Variants in EIF6 observed in about 807,000 individuals in gnomAD.
EIF6 encodes eukaryotic translation initiation factor 6, also known as B4 integrin interactor.
Under a neutral mutation model 25.5 loss-of-function variants are expected in EIF6, and 10 were observed. That is an observed-to-expected ratio of 0.39 (90% CI 0.24 to 0.66). The LOEUF is 0.66. Among genes scored for constraint, EIF6 ranks in the 30% least tolerant of loss-of-function variants. The pLI is 0.45. For missense variants in EIF6, 246 were observed against 315.4 expected, an observed-to-expected ratio of 0.78 and a Z score of 1.67; for synonymous variants, 122 against 122.6, an observed-to-expected ratio of 1.00 and a Z score of 0.03.
chr20:35,279,508 T>G, intron 6 of EIF6, 58 bp downstream of exon 6: 2 of 1,591,486 alleles, frequency 1.3e-6, no homozygotes, highest in Non-Finnish European at 1.7e-6. Context: ...TTCCCCATAC[T>G]CTCAAAATGC....
At chr20:35,282,678 C>T (rs2060786477) in intron 3 of EIF6, among the ~76,000 whole-genome samples, 1 of 151,746 alleles carries the variant, frequency 6.6e-6, no homozygotes, top group Non-Finnish European at 1.5e-5. Flanking sequence ...AATCTCAGCT[C>T]ACCGCAGGGT....
At position 35,284,160 on chromosome 20, in the gene EIF6, C is replaced by T; in HGVS notation, c.193+16G>A. On this transcript the variant is annotated intron_variant, in intron 3 of 6. Coordinates refer to ENST00000374450, the MANE Select transcript of EIF6 (RefSeq NM_002212.4). Reference sequence around the variant, plus strand: ...TGGAGACCACTCCCTCCCTCGGCGTCCTCCACCTGCCTTACCCACACACAT... The same window carrying T: ...TGGAGACCACTCCCTCCCTCGGCGTTCTCCACCTGCCTTACCCACACACAT... 1 of 1,571,348 alleles carries T rather than the reference C, an allele frequency of 6.4e-7. No homozygotes were observed. Among genetic ancestry groups the T allele is most frequent in the East Asian group, 2.3e-5 (1 of 44,286 alleles).
At chr20:35,284,071 A>G (rs2060800785) in intron 3 of EIF6, 105 bp downstream of exon 3, 2 of 1,375,124 alleles carry the variant, frequency 1.5e-6, no homozygotes, top group Non-Finnish European at 2.0e-6. Context: ...CAGAGATAAC[A>G]GATGATACCC....
intron 6 of EIF6, 67 bp from the exon 7 acceptor site, chr20:35,279,273 T>C: frequency 6.3e-7 from 1 of 1,583,134 alleles, no homozygotes; most frequent in South Asian, 1.1e-5. Flanking sequence ...TCAAGTGAGG[T>C]GCCTGCCTCA....
At chr20:35,280,890 G>T in intron 3 of EIF6, 61 bp from the exon 4 acceptor site, 1 of 1,577,212 alleles carries the variant, frequency 6.3e-7, no homozygotes. Context: ...TAGGGGCTGA[G>T]GATACCACTC....
Position 35,284,272 on chromosome 20 carries a change from A to G in EIF6, c.108-11T>C. ...TCGCCCTCGAACACACTGTAGGGAC[A>G]TGGACTCGGTGGTGGCGGGGCAGAG... On this transcript the variant is annotated splice_polypyrimidine_tract_variant and intron_variant, in intron 2 of 6. Transcript: ENST00000374450. The G allele has an allele frequency of 4.3e-6, 7 of 1,613,626 alleles. No individual in the cohort carries two copies. Among genetic ancestry groups the G allele is most frequent in the Non-Finnish European group, 5.9e-6 (7 of 1,179,998 alleles).
In EIF6 at chr20:35,279,582, C is replaced by T. The variant is rs759636063; in HGVS notation, c.712G>A (p.Asp238Asn). Residue 238 changes from aspartate (D) to asparagine (N), a missense_variant, in exon 6 of 7, where the codon GAT (aspartate) becomes AAT (asparagine). By Grantham distance (23) the Asp-to-Asn change is conservative (BLOSUM62 1). Transcript: ENST00000374450. ...CCCAGGTACCTGTCAATGAGGGAAT[C>T]CCGCATGCTGGTGGCAATGGTGCTA... ...QPSTIATSMR[D>N]SLIDSLT 2 of 1,613,962 alleles carry T rather than the reference C, an allele frequency of 1.2e-6. No individual in the cohort carries two copies. Among genetic ancestry groups the T allele is most frequent in the African/African-American group, 2.7e-5 (2 of 74,910 alleles).
At chr20:35,284,094 G>A (rs1436007290) in intron 3 of EIF6, 82 bp downstream of exon 3, 4 of 1,483,004 alleles carry the variant, frequency 2.7e-6, no homozygotes, top group African/African-American at 1.4e-5. Context: ...GGAATCCCTA[G>A]GTCACTCCGG....
Position 35,280,757 on chromosome 20 carries a change from G to T in EIF6, c.266C>A (p.Pro89Gln), listed in dbSNP as rs768231439. 5 of 1,614,104 alleles carry T rather than the reference G, an allele frequency of 3.1e-6. No homozygotes were observed. The highest frequency in any genetic ancestry group is 1.7e-5 in the Admixed American group (1 of 60,010). The change falls in exon 4 of 7, where the codon CCA becomes CAA. Residue 89 changes from proline to glutamine, a missense_variant. Transcript: ENST00000374450. Reference sequence around the variant, plus strand: ...CACCCGCCTAATCTGCACTGTGTCTGGGAGGCTGTTGCGAATGTGTTGCAG... The same window carrying T: ...CACCCGCCTAATCTGCACTGTGTCTTGGAGGCTGTTGCGAATGTGTTGCAG... ...QELQHIRNSLPDTVQIRRVEE... is the reference protein window; with the variant it reads ...QELQHIRNSLQDTVQIRRVEE...
Position 35,284,415 on chromosome 20 carries a change from G to C in EIF6, c.73C>G (p.Leu25Val), listed in dbSNP as rs2060806436. The stretch of plus-strand genomic sequence containing the variant: ...TTCTCTGAGCCTCCGATCGCTACCA[G>C]ACAGTAGGTGTTGGTGAGCTTGGCA... The part of the protein sequence containing the change: ...CFAKLTNTYC[L>V]VAIGGSENFY... Residue 25 changes from leucine to valine, a missense_variant, in exon 2 of 7, where the codon CTG becomes GTG. Transcript: ENST00000374450. The C allele has an allele frequency of 1.2e-6, 2 of 1,613,890 alleles. No homozygotes were observed. The highest frequency in any genetic ancestry group is 1.7e-6 in the Non-Finnish European group (2 of 1,179,988).
rs761972454 is a variant in EIF6 at position 35,284,270 on chromosome 20, A to G, written c.108-9T>C. ...GCTCGCCCTCGAACACACTGTAGGG[A>G]CATGGACTCGGTGGTGGCGGGGCAG... is the stretch of plus-strand genomic sequence containing the variant. On this transcript the variant is annotated splice_polypyrimidine_tract_variant and intron_variant, in intron 2 of 6. Transcript: ENST00000374450. 2.0e-5 allele frequency: 33 copies of G among 1,613,630 alleles called. No individual in the cohort carries two copies. The East Asian group carries it at 6.7e-4, about 33-fold the overall frequency.
intron 1 of EIF6, 114 bp from the exon 2 acceptor site, chr20:35,284,606 G>C (rs2060809808): frequency 8.1e-7 from 1 of 1,238,648 alleles, no homozygotes; most frequent in South Asian, 1.4e-5. Context: ...CGGCCCCTCC[G>C]TCCTCGGGTC....
intron 6 of EIF6, 90 bp from the exon 7 acceptor site, chr20:35,279,296 G>A: frequency 6.5e-7 from 1 of 1,546,144 alleles, no homozygotes; most frequent in South Asian, 1.1e-5. Context: ...CCTCATCCCG[G>A]GACCAGCTCT....
intron 3 of EIF6, among the ~76,000 whole-genome samples, chr20:35,283,191 G>A (rs1341296205): frequency 2.0e-5 from 3 of 152,188 alleles, no homozygotes; most frequent in Non-Finnish European, 2.9e-5. Flanking sequence ...CTACTTGGGA[G>A]GCTGAGGCAG....
intron 3 of EIF6, among the ~76,000 whole-genome samples, chr20:35,281,932 C>T (rs2425044): frequency 0.22 from 33,444 of 151,540 alleles, 3,849 homozygotes; most frequent in South Asian, 0.34. Flanking sequence ...TCTTAGGTAT[C>T]ATATACCCAG....
At position 35,279,260 on chromosome 20, in the gene EIF6, C is replaced by T. The variant is rs901970324; in HGVS notation, c.729-54G>A. On this transcript the variant is annotated intron_variant, in intron 6 of 6. Coordinates refer to ENST00000374450, the MANE Select transcript of EIF6 (RefSeq NM_002212.4). ...TAGCTGTTTCACAGAGCCCACCTCA[C>T]TCTCAAGTGAGGTGCCTGCCTCAGC... 34 of 1,603,522 alleles carry T rather than the reference C, an allele frequency of 2.1e-5. No homozygotes were observed. The African/African-American group carries it at 4.3e-4, about 20-fold the overall frequency.
At chr20:35,284,099 C>T (rs1040364144) in intron 3 of EIF6, 77 bp downstream of exon 3, 2 of 1,504,112 alleles carry the variant, frequency 1.3e-6, no homozygotes, top group African/African-American at 2.8e-5. Flanking sequence ...CCCTAGGTCA[C>T]TCCGGGTTCC....
chr20:35,280,508 AC>A, intron 4 of EIF6, 145 bp downstream of exon 4: 1 of 974,626 alleles, frequency 1.0e-6, no homozygotes, highest in Non-Finnish European at 1.5e-6. Flanking sequence ...CTCTGTTATC[AC>A]TATTCCAATG....
chr20:35,280,382 A>C (rs1273469895), intron 4 of EIF6, among the ~76,000 whole-genome samples: 1 of 152,194 alleles, frequency 6.6e-6, no homozygotes. Context: ...ACCCACAGTC[A>C]AAAGTTCAAC....
Sources: allele counts gnomAD v4.1 joint callset (sites outside exome capture counted in the v4.1 genomes callset), GRCh38; gene constraint gnomAD v4.1.1; transcripts MANE v1.5; gene names NCBI Gene and HGNC (gene_info 2026-07-23, HGNC 2026-07-21).